Variants in TRABD2B observed in about 807,000 individuals in gnomAD.
The protein encoded by TRABD2B is metalloprotease TIKI2.
TRABD2B carries 14 observed loss-of-function variants against 40.1 expected under a neutral mutation model. The ratio of observed to expected loss-of-function variants is 0.35; its 90% CI spans 0.23 to 0.55. The LOEUF (loss-of-function observed/expected upper bound fraction) is 0.55. Ranked by LOEUF, TRABD2B falls within the 20% of genes least tolerant of loss-of-function variation. The probability of loss-of-function intolerance (pLI) is 0.90; values close to 1 mark genes in which losing one functional copy is unlikely to be tolerated. For missense variants in TRABD2B, 541 were observed against 648.6 expected, an observed-to-expected ratio of 0.83 and a Z score of 1.80; for synonymous variants, 263 against 277.0, an observed-to-expected ratio of 0.95 and a Z score of 0.50.
At chr1:47,939,529 T>C (rs1346506265) in intron 2 of TRABD2B, among the ~76,000 whole-genome samples, 1 of 152,160 alleles carries the variant, frequency 6.6e-6, no homozygotes, top group African/African-American at 2.4e-5. Flanking sequence ...TGAGTTCTCT[T>C]TTAGTCCTCT....
chr1:47,874,159 C>A (rs535073010), intron 2 of TRABD2B, among the ~76,000 whole-genome samples: 2 of 151,974 alleles, frequency 1.3e-5, no homozygotes, highest in East Asian at 1.9e-4. Flanking sequence ...GGCAAAGTGG[C>A]CTAATGAGTG....
At chr1:47,815,798 GAGATAGATAGATAGATAGATAGAT>G (rs6143214) in intron 2 of TRABD2B, among the ~76,000 whole-genome samples, 4,098 of 149,112 alleles carry the variant, frequency 0.027, 89 homozygotes, top group Non-Finnish European at 0.04. Context: ...GATGGTGACA[GAGATAGATAGATAGATAGATAGAT>G]AGATAGATAG....
chr1:47,993,679 G>T (rs1298692980), intron 2 of TRABD2B, among the ~76,000 whole-genome samples: 3 of 152,156 alleles, frequency 2.0e-5, no homozygotes, highest in Admixed American at 1.3e-4. Flanking sequence ...CCTCAGGAAG[G>T]CCTGACACAA....
intron 4 of TRABD2B, 139 bp from the exon 5 acceptor site, chr1:47,778,683 G>GTA (rs1644480788): frequency 1.5e-6 from 1 of 668,062 alleles, no homozygotes. Flanking sequence ...CTGAGAGGCA[G>GTA]TATAGCATAG....
intron 2 of TRABD2B, among the ~76,000 whole-genome samples, chr1:47,902,717 G>A (rs1335176717): frequency 6.6e-6 from 1 of 152,038 alleles, no homozygotes; most frequent in East Asian, 1.9e-4. Flanking sequence ...TGAACTCCTG[G>A]CCTCAAGCCA....
intron 2 of TRABD2B, among the ~76,000 whole-genome samples, chr1:47,896,247 G>T (rs764291030): frequency 1.3e-5 from 2 of 152,242 alleles, no homozygotes; most frequent in Non-Finnish European, 2.9e-5. Flanking sequence ...GGAAGCCAGC[G>T]GAGGCTTGGC....
intron 2 of TRABD2B, among the ~76,000 whole-genome samples, chr1:47,837,086 TC>T (rs1311673673): frequency 6.6e-6 from 1 of 152,164 alleles, no homozygotes; most frequent in Non-Finnish European, 1.5e-5. Flanking sequence ...CTTTTTGTCA[TC>T]CAGAGAGAAG....
At chr1:47,787,679 C>G (rs191381561) in intron 4 of TRABD2B, among the ~76,000 whole-genome samples, 22 of 152,296 alleles carry the variant, frequency 1.4e-4, no homozygotes, top group Non-Finnish European at 2.9e-4. Flanking sequence ...AGTCTCCCAC[C>G]ATGGGGGCAG....
At chr1:47,889,749 A>G (rs1644420287) in intron 2 of TRABD2B, among the ~76,000 whole-genome samples, 2 of 152,216 alleles carry the variant, frequency 1.3e-5, no homozygotes, top group South Asian at 4.1e-4. Context: ...CCCCTGAGGC[A>G]TGAGATCTAG....
chr1:47,936,402 G>A (rs1448567112), intron 2 of TRABD2B, among the ~76,000 whole-genome samples: 1 of 152,090 alleles, frequency 6.6e-6, no homozygotes, highest in Non-Finnish European at 1.5e-5. Flanking sequence ...CAACAGGAAA[G>A]GTGAACAGAG....
In TRABD2B at chr1:47,994,533, G is replaced by A; in HGVS notation, c.167C>T (p.Thr56Ile). The A allele has an allele frequency of 1.3e-6, 2 of 1,536,134 alleles. No homozygotes were observed. Among genetic ancestry groups the A allele is most frequent in the Non-Finnish European group, 1.7e-6 (2 of 1,146,902 alleles). Residue 56 changes from threonine (T) to isoleucine (I), a missense_variant, in exon 2 of 7, where the codon ACT becomes ATT. Physicochemically the swap from Thr to Ile is moderately conservative, Grantham distance 89. Coordinates refer to ENST00000606738, the MANE Select transcript of TRABD2B (RefSeq NM_001194986.2). The surrounding 1 kb of genome is among the most constrained non-coding windows in gnomAD (Gnocchi z 6.7). The stretch of plus-strand genomic sequence containing the variant: ...GACGCGGGTGTAGGGGACGTGAATA[G>A]TGCCAAACAGGTAGGCCGGAGGATC... ...RRDPPAYLFG[T>I]IHVPYTRVWD...
chr1:47,848,165 C>T (rs1030156559), intron 2 of TRABD2B, among the ~76,000 whole-genome samples: 5 of 152,188 alleles, frequency 3.3e-5, no homozygotes, highest in African/African-American at 1.2e-4. Flanking sequence ...TTTCTTTTCT[C>T]TATGAGGGCC....
At chr1:47,958,411 T>C (rs1037454846) in intron 2 of TRABD2B, among the ~76,000 whole-genome samples, 1 of 147,614 alleles carries the variant, frequency 6.8e-6, no homozygotes, top group African/African-American at 2.5e-5. Context: ...AGACACAGAC[T>C]GGCAAACTGG....
chr1:47,780,125 CCTGA>C (rs909992916), intron 4 of TRABD2B, among the ~76,000 whole-genome samples: 2 of 152,184 alleles, frequency 1.3e-5, no homozygotes, highest in Non-Finnish European at 2.9e-5. Context: ...GCTGACCATG[CCTGA>C]CTATGTGCCA....
chr1:47,817,148 G>T (rs1485405394), intron 2 of TRABD2B, among the ~76,000 whole-genome samples: 1 of 152,100 alleles, frequency 6.6e-6, no homozygotes. Context: ...AGCTGTTAGA[G>T]AGATATCCTT....
chr1:47,858,669 G>A (rs746733825), intron 2 of TRABD2B, among the ~76,000 whole-genome samples: 11 of 152,208 alleles, frequency 7.2e-5, no homozygotes, highest in Admixed American at 2.6e-4. Context: ...CAGCTTACAA[G>A]TACAGTCAGG....
At chr1:47,975,531 C>T (rs995839241) in intron 2 of TRABD2B, among the ~76,000 whole-genome samples, 2 of 152,150 alleles carry the variant, frequency 1.3e-5, no homozygotes, top group South Asian at 2.1e-4. Context: ...CGAAACTGAA[C>T]CATCAGTGGT....
intron 3 of TRABD2B, among the ~76,000 whole-genome samples, chr1:47,799,583 G>A (rs1247894215): frequency 1.3e-5 from 2 of 152,194 alleles, no homozygotes; most frequent in East Asian, 1.9e-4. Flanking sequence ...GCTGGGCAAC[G>A]GGGACCAAGA....
intron 2 of TRABD2B, among the ~76,000 whole-genome samples, chr1:47,866,406 T>C (rs931268282): frequency 1.3e-5 from 2 of 152,098 alleles, no homozygotes; most frequent in Non-Finnish European, 2.9e-5. Flanking sequence ...AATTTGACTT[T>C]AGGCATCTTG....
Sources: allele counts gnomAD v4.1 joint callset (sites outside exome capture counted in the v4.1 genomes callset), GRCh38; gene constraint gnomAD v4.1.1; non-coding constraint Gnocchi (gnomAD v3.1); transcripts MANE v1.5; gene names NCBI Gene and HGNC (gene_info 2026-07-23, HGNC 2026-07-21).